MED24: variants seen among roughly 807,000 people sequenced by gnomAD.
MED24 encodes mediator of RNA polymerase II transcription subunit 24.
Under a neutral mutation model 118.8 loss-of-function variants are expected in MED24, and 74 were observed. The ratio of observed to expected loss-of-function variants is 0.62; its 90% CI spans 0.52 to 0.76. The LOEUF (loss-of-function observed/expected upper bound fraction) is 0.76, where lower values mean the gene tolerates loss of function less well. MED24 is among the 30% of genes least tolerant of loss of function. The pLI, the probability that MED24 is intolerant of heterozygous loss-of-function variation, is 0.00. For missense variants in MED24, 1,041 were observed against 1,278.9 expected (o/e 0.81, Z 2.84); for synonymous variants, 521 against 523.9 (o/e 0.99, Z 0.08).
rs1326049426 is a variant in MED24 at position 40,031,732 on chromosome 17, C to T, written c.985-112G>A. 3.0e-6 allele frequency: 3 copies of T among 1,012,752 alleles called. No homozygotes were observed. In the African/African-American group the frequency reaches 4.8e-5, roughly 16 times the overall value. 62.7% of individuals were successfully genotyped at this position (1,012,752 alleles called of 1,614,324 possible). On this transcript the variant is annotated intron_variant, in intron 10 of 25. Coordinates refer to ENST00000394128, the MANE Select transcript of MED24 (RefSeq NM_014815.4). ...CCTGAGTTGCCTGGCTGCTTTCTGC[C>T]TGGAGCCTGGGTGTATGTTGTGGGT...
chr17:40,041,970 C>T (rs899474216), intron 3 of MED24, among the ~76,000 whole-genome samples: 4 of 152,156 alleles, frequency 2.6e-5, no homozygotes, highest in Non-Finnish European at 5.9e-5. Flanking sequence ...TACAGATGGG[C>T]TATACCTATT....
chr17:40,053,692 G>A lies in MED24; in HGVS notation c.-37-57C>T, dbSNP rs773734034. ...AGGACATGAGGTTCTAAGGAGAACC[G>A]GGGAAGGCAGAATTAAATAGAAAGG... On this transcript the variant is annotated intron_variant, in intron 1 of 25. Transcript: ENST00000394128. 7.5e-6 allele frequency: 12 copies of A among 1,594,060 alleles called. No homozygotes were observed. The highest frequency in any genetic ancestry group is 1.0e-5 in the Non-Finnish European group (12 of 1,168,706).
At chr17:40,032,795 G>T (rs1275255320) in intron 8 of MED24, 33 bp from the exon 9 acceptor site, 1 of 1,581,766 alleles carries the variant, frequency 6.3e-7, no homozygotes, top group Non-Finnish European at 8.7e-7. Flanking sequence ...GGCCTAAGAG[G>T]GTGCCCATAC....
Position 40,019,641 on chromosome 17 carries a change from G to A in MED24, c.2858C>T (p.Ser953Leu), listed in dbSNP as rs769754599. ...CATGGCTGACACCTTCACCAGTTCCGACACCTGCCACGGACAGACAGATGC... is the reference window on the plus strand; with the variant it reads ...CATGGCTGACACCTTCACCAGTTCCAACACCTGCCACGGACAGACAGATGC... ...VLQFMPFTTV[S>L]ELVKVSAMSS... Residue 953 changes from serine (S) to leucine (L), a missense_variant, in exon 26 of 26, where the codon TCG (serine) becomes TTG (leucine). Physicochemically the swap from Ser to Leu is moderately radical, Grantham distance 145. Transcript: ENST00000394128. 157 of 1,592,110 alleles carry A rather than the reference G, an allele frequency of 9.9e-5. No individual in the cohort carries two copies. Among genetic ancestry groups the A allele is most frequent in the Middle Eastern group, 1.7e-4 (1 of 5,990 alleles).
chr17:40,021,938 C>A lies in MED24; in HGVS notation c.2623+17G>T. The A allele has an allele frequency of 6.4e-7, 1 of 1,553,608 alleles. No homozygotes were observed. Among genetic ancestry groups the A allele is most frequent in the Admixed American group, 2.0e-5 (1 of 51,000 alleles). ...TCCCAGGAAAAGGAGCGGCGCGCGG[C>A]CAGCCCACACACTCACTGGGGCTCG... On this transcript the variant is annotated intron_variant, in intron 23 of 25. Coordinates refer to ENST00000394128, the MANE Select transcript of MED24 (RefSeq NM_014815.4).
At position 40,019,203 on chromosome 17, in the gene MED24, C is replaced by CACACACACAT. The variant is rs371196849; in HGVS notation, c.*325_*326insATGTGTGTGT. On this transcript the variant is annotated 3_prime_UTR_variant, in exon 26 of 26. Coordinates refer to ENST00000394128, the MANE Select transcript of MED24 (RefSeq NM_014815.4). ...ACACACACACACACACACACACACACATACACACTTTGCATCTAGAAAGTT... is the reference window on the plus strand; with the variant it reads ...ACACACACACACACACACACACACACACACACACATATACACACTTTGCATCTAGAAAGTT... 11,049 of 301,700 alleles carry CACACACACAT rather than the reference C, an allele frequency of 0.037. 632 individuals carry two copies. Among genetic ancestry groups the CACACACACAT allele is most frequent in the East Asian group, 0.079 (1,037 of 13,194 alleles). 18.7% of individuals were successfully genotyped at this position (301,700 alleles called of 1,614,324 possible).
At position 40,033,561 on chromosome 17, in the gene MED24, C is replaced by T. The variant is rs528684048; in HGVS notation, c.560-105G>A. On this transcript the variant is annotated intron_variant, in intron 6 of 25. Coordinates refer to ENST00000394128, the MANE Select transcript of MED24 (RefSeq NM_014815.4). This position sits in a 1 kb window ranked among gnomAD's most constrained non-coding sequence, Gnocchi z 5.2. ...GCACTCCCTCCGGCACACGAAACCA[C>T]ACAGGAAGGCTTCCCCTGAGGACAA... 40 of 877,040 alleles carry T rather than the reference C, an allele frequency of 4.6e-5. 1 individual carries two copies. In the African/African-American group the frequency reaches 5.5e-4, roughly 12 times the overall value. 54.3% of individuals were successfully genotyped at this position (877,040 alleles called of 1,614,324 possible). A position where few individuals can be genotyped will look rare whatever the true frequency, so the allele number is the denominator to read the frequency against.
chr17:40,035,380 T>A (rs751587469), intron 5 of MED24, 31 bp from the exon 6 acceptor site: 10 of 1,545,946 alleles, frequency 6.5e-6, no homozygotes, highest in Non-Finnish European at 8.8e-6. Context: ...TCAGACTCTG[T>A]TCTTCCAATG....
At chr17:40,042,560 C>A (rs1984669994) in intron 3 of MED24, among the ~76,000 whole-genome samples, 1 of 152,052 alleles carries the variant, frequency 6.6e-6, no homozygotes, top group Admixed American at 6.6e-5. Context: ...ATAATCCCAG[C>A]TACTTGGGAG....
chr17:40,023,281 C>T lies in MED24; in HGVS notation c.2100G>A (p.Leu700=). 1 of 1,614,182 alleles carries T rather than the reference C, an allele frequency of 6.2e-7. No individual in the cohort carries two copies. The highest frequency in any genetic ancestry group is 8.5e-7 in the Non-Finnish European group (1 of 1,180,022). The stretch of plus-strand genomic sequence containing the variant: ...CTTTGATGGGCCGCTTGGGGGGCAG[C>T]AGGTTCCAGTAGGGCATTGTGTCCA... ...TGVDTMPYWN[L]LPPKRPIKEV... is the part of the protein sequence containing the mutation. The change falls in exon 20 of 26, where the codon CTG becomes CTA. Residue 700 remains leucine (L), a synonymous_variant. Coordinates refer to ENST00000394128, the MANE Select transcript of MED24 (RefSeq NM_014815.4).
intron 17 of MED24, 22 bp from the exon 18 acceptor site, chr17:40,026,768 A>T (rs773522997): frequency 4.3e-6 from 7 of 1,610,722 alleles, no homozygotes; most frequent in Non-Finnish European, 5.9e-6. Flanking sequence ...CAGAGAAGTC[A>T]GCACAGGGGA....
intron 21 of MED24, 74 bp downstream of exon 21, chr17:40,022,571 C>T: frequency 1.2e-6 from 2 of 1,600,890 alleles, no homozygotes; most frequent in Non-Finnish European, 1.7e-6. Flanking sequence ...AGCCCAGTCT[C>T]CCAGGGTGGC....
Position 40,031,596 on chromosome 17 carries a change from C to T in MED24, c.1009G>A (p.Ala337Thr), listed in dbSNP as rs1314109000. 1.9e-6 allele frequency: 3 copies of T among 1,614,030 alleles called. No individual in the cohort carries two copies. The highest frequency in any genetic ancestry group is 1.7e-5 in the Admixed American group (1 of 59,996). Residue 337 changes from alanine (A) to threonine (T), a missense_variant, in exon 11 of 26, where the codon GCT becomes ACT. Coordinates refer to ENST00000394128, the MANE Select transcript of MED24 (RefSeq NM_014815.4). The part of the protein sequence containing the change: ...DKDFTEDVNC[A>T]FEFLLKLTPL... The stretch of plus-strand genomic sequence containing the variant: ...GTGAGCTTCAGCAGGAACTCAAAAG[C>T]ACAGTTGACATCCTCAGTGAAGTCC...
chr17:40,019,534 G>A lies in MED24; in HGVS notation c.2965C>T (p.Leu989Phe), dbSNP rs1278020918. Reference sequence around the variant, plus strand: ...CTGCGGCCATGCCAAGCCCCTCAGAGTGCAGCAATGGCTTTAGCAGCCACC... The same window carrying A: ...CTGCGGCCATGCCAAGCCCCTCAGAATGCAGCAATGGCTTTAGCAGCCACC... ...RQVAAKAIAA[L>F] is the part of the protein sequence containing the mutation. Residue 989 changes from leucine to phenylalanine, a missense_variant, in exon 26 of 26, where the codon CTC (leucine) becomes TTC (phenylalanine). Transcript: ENST00000394128. 1.2e-6 allele frequency: 2 copies of A among 1,611,730 alleles called. No individual in the cohort carries two copies. The highest frequency in any genetic ancestry group is 1.3e-5 in the African/African-American group (1 of 74,910).
In MED24 at chr17:40,053,539, G is replaced by A; in HGVS notation, c.60C>T (p.Asp20=). The change falls in exon 2 of 26, where the codon GAC becomes GAT. Residue 20 remains aspartate (D), a synonymous_variant. Coordinates refer to ENST00000394128, the MANE Select transcript of MED24 (RefSeq NM_014815.4). ...ILQAWKERWS[D]YQWAINMKKF... Reference sequence around the variant, plus strand: ...TCTTCATGTTGATTGCCCATTGGTAGTCACTCCAGCGCTCCTTCCAGGCTT... The same window carrying A: ...TCTTCATGTTGATTGCCCATTGGTAATCACTCCAGCGCTCCTTCCAGGCTT... 8.7e-6 allele frequency: 14 copies of A among 1,614,176 alleles called. No homozygotes were observed. The highest frequency in any genetic ancestry group is 1.2e-5 in the Non-Finnish European group (14 of 1,180,040).
At position 40,031,260 on chromosome 17, in the gene MED24, G is replaced by A. The variant is rs1490834304; in HGVS notation, c.1068-15C>T. On this transcript the variant is annotated splice_polypyrimidine_tract_variant and intron_variant, in intron 11 of 25. Coordinates refer to ENST00000394128, the MANE Select transcript of MED24 (RefSeq NM_014815.4). ...TACAGTCACAGCTGTGAGGGAGAAA[G>A]ATGCTGAGGGAACTGGGCACCTGGA... 2 of 1,557,120 alleles carry A rather than the reference G, an allele frequency of 1.3e-6. No homozygotes were observed.
intron 3 of MED24, among the ~76,000 whole-genome samples, chr17:40,047,896 ATTTTTGTATAT>A (rs1985419260): frequency 6.6e-6 from 1 of 151,782 alleles, no homozygotes; most frequent in Admixed American, 6.6e-5. Context: ...TGCCCGGCTA[ATTTTTGTATAT>A]TTAGTAGAGA....
At chr17:40,038,240 T>C (rs1173487504) in intron 3 of MED24, among the ~76,000 whole-genome samples, 1 of 152,178 alleles carries the variant, frequency 6.6e-6, no homozygotes. Flanking sequence ...TGATACACAA[T>C]AGGTCCTCAG....
intron 11 of MED24, 134 bp downstream of exon 11, chr17:40,031,404 G>A (rs555484228): frequency 3.3e-6 from 4 of 1,217,104 alleles, no homozygotes; most frequent in East Asian, 4.7e-5. Flanking sequence ...GGCAACTGTG[G>A]GCTCCTATTT....
Sources: gnomAD v4.1 joint callset for allele counts (sites outside exome capture counted in the v4.1 genomes callset) on GRCh38, gnomAD v4.1.1 for gene constraint, Gnocchi (gnomAD v3.1) non-coding constraint, MANE v1.5 for transcripts, NCBI Gene and HGNC (gene_info 2026-07-23, HGNC 2026-07-21) for gene names.